The following NCKAP5 variants were observed in gnomAD, a reference collection of about 807,000 sequenced individuals.
The protein encoded by NCKAP5 is NCK associated protein 5.
NCKAP5 carries 92 observed loss-of-function variants against 167.0 expected under a neutral mutation model. The observed-to-expected ratio is 0.55, with a 90% CI of 0.47 to 0.66. The LOEUF (loss-of-function observed/expected upper bound fraction) is 0.66. Ranked by LOEUF, NCKAP5 falls within the 30% of genes least tolerant of loss-of-function variation. The probability of loss-of-function intolerance (pLI) is 0.00; values close to 1 mark genes in which losing one functional copy is unlikely to be tolerated. For synonymous variants in NCKAP5, 891 were observed against 877.4 expected, an observed-to-expected ratio of 1.02 and a Z score of -0.27; for missense variants, 2,378 against 2,315.0, an observed-to-expected ratio of 1.03 and a Z score of -0.56.
chr2:133,236,509 T>C (rs2087429353), intron 4 of NCKAP5, among the ~76,000 whole-genome samples: 1 of 152,190 alleles, frequency 6.6e-6, no homozygotes, highest in Non-Finnish European at 1.5e-5. Flanking sequence ...ACTGTTCTCT[T>C]AGGTGTCTGA....
At chr2:132,732,961 C>T (rs1225161215) in intron 16 of NCKAP5, among the ~76,000 whole-genome samples, 2 of 152,226 alleles carry the variant, frequency 1.3e-5, no homozygotes, top group Admixed American at 1.3e-4. Context: ...TTCACTCTCA[C>T]TTTATTCAAT....
chr2:133,014,618 A>G (rs2078270371), intron 6 of NCKAP5, among the ~76,000 whole-genome samples: 2 of 152,194 alleles, frequency 1.3e-5, no homozygotes, highest in Admixed American at 1.3e-4. Context: ...ACATTAGATC[A>G]AGTTCACTTA....
chr2:133,092,971 T>G (rs990398965), intron 6 of NCKAP5, among the ~76,000 whole-genome samples: 7 of 152,234 alleles, frequency 4.6e-5, no homozygotes, highest in Non-Finnish European at 8.8e-5. Context: ...GGTGGTTTTT[T>G]GTTTGCTTTT....
At chr2:132,792,675 C>T (rs1266560757) in intron 12 of NCKAP5, among the ~76,000 whole-genome samples, 1 of 152,332 alleles carries the variant, frequency 6.6e-6, no homozygotes, top group East Asian at 1.9e-4. Context: ...CAGATCCAAA[C>T]TCCAATGACC....
intron 6 of NCKAP5, among the ~76,000 whole-genome samples, chr2:133,017,221 A>G (rs769912626): frequency 4.6e-5 from 7 of 152,146 alleles, no homozygotes; most frequent in African/African-American, 1.2e-4. Context: ...TGTTCTTCCT[A>G]TGTTTTCTGA....
At chr2:132,744,106 C>A (rs576006559) in intron 16 of NCKAP5, among the ~76,000 whole-genome samples, 1 of 151,634 alleles carries the variant, frequency 6.6e-6, no homozygotes, top group East Asian at 1.9e-4. Context: ...AAAGTCTTCT[C>A]TCAGTAATTA....
At chr2:133,154,800 A>C (rs1360647639) in intron 5 of NCKAP5, among the ~76,000 whole-genome samples, 6 of 152,188 alleles carry the variant, frequency 3.9e-5, no homozygotes, top group Non-Finnish European at 8.8e-5. Context: ...GGAGTGGTCT[A>C]TTTGAGAAAT....
intron 3 of NCKAP5, among the ~76,000 whole-genome samples, chr2:133,331,820 C>T (rs929628093): frequency 2.6e-5 from 4 of 152,222 alleles, no homozygotes; most frequent in South Asian, 2.1e-4. Flanking sequence ...CACAAAGTGA[C>T]AAATAATGAC....
At chr2:133,320,636 G>C (rs1449305156) in intron 3 of NCKAP5, among the ~76,000 whole-genome samples, 1 of 152,146 alleles carries the variant, frequency 6.6e-6, no homozygotes. Flanking sequence ...GCTGAGGCAG[G>C]GGAATGGTGT....
At chr2:133,231,002 TG>T (rs1559295880) in intron 4 of NCKAP5, among the ~76,000 whole-genome samples, 1 of 152,184 alleles carries the variant, frequency 6.6e-6, no homozygotes, top group Non-Finnish European at 1.5e-5. Context: ...CCAAATATGT[TG>T]TAATGAGCAG....
At chr2:133,187,186 G>A (rs998141599) in intron 5 of NCKAP5, among the ~76,000 whole-genome samples, 12 of 151,834 alleles carry the variant, frequency 7.9e-5, no homozygotes, top group Admixed American at 7.9e-4. Context: ...AAAGTTTTTT[G>A]TTTCTGCTTT....
At chr2:133,110,423 G>A (rs574472219) in intron 6 of NCKAP5, among the ~76,000 whole-genome samples, 8 of 152,130 alleles carry the variant, frequency 5.3e-5, no homozygotes, top group Non-Finnish European at 1.2e-4. Context: ...CGAGGTTCAC[G>A]GTATCACAGA....
intron 8 of NCKAP5, among the ~76,000 whole-genome samples, chr2:132,879,732 G>T (rs1047652428): frequency 1.3e-5 from 2 of 152,170 alleles, no homozygotes; most frequent in Non-Finnish European, 2.9e-5. Context: ...AGCAATCTTG[G>T]CTCTACGTGC....
chr2:133,160,992 C>T lies in NCKAP5; in HGVS notation c.208-30881G>A, dbSNP rs537783812. On this transcript the variant is annotated intron_variant, in intron 5 of 19. Transcript: ENST00000409261. The stretch of plus-strand genomic sequence containing the variant: ...CTGTGGCCTGTTAGGAATGGGGCCA[C>T]ACAGCAGGAGATGTGCAGCCAGCCA... Among the ~76,000 whole-genome samples, 16 of 152,226 alleles carry T rather than the reference C, an allele frequency of 1.1e-4. No homozygotes were observed. The East Asian group carries it at 3.1e-3, about 29-fold the overall frequency.
intron 5 of NCKAP5, among the ~76,000 whole-genome samples, chr2:133,190,875 A>T (rs886679539): frequency 2.6e-5 from 4 of 152,162 alleles, no homozygotes; most frequent in Admixed American, 6.6e-5. Context: ...GGACTTCATG[A>T]CTAAAAAACC....
chr2:133,218,737 T>A (rs889438441), intron 4 of NCKAP5, among the ~76,000 whole-genome samples: 1 of 152,160 alleles, frequency 6.6e-6, no homozygotes, highest in Non-Finnish European at 1.5e-5. Flanking sequence ...CAAAAGCCAA[T>A]CTTATCCCCA....
chr2:132,783,935 CTGGTTTCGGACT>C lies in NCKAP5; in HGVS notation c.2864_2875del (p.Lys955_Thr958del). The C allele has an allele frequency of 6.3e-7, 1 of 1,577,098 alleles. No homozygotes were observed. Among genetic ancestry groups the C allele is most frequent in the Admixed American group, 1.9e-5 (1 of 52,214 alleles). ...GGTCCTTGCTGTTTCACTGGGGACC[CTGGTTTCGGACT>C]TGGTGGATGAAGGTGCTGGTGAATA... On this transcript the variant is annotated inframe_deletion, in exon 14 of 20. Transcript: ENST00000409261.
At chr2:133,149,113 A>G (rs2083297440) in intron 5 of NCKAP5, among the ~76,000 whole-genome samples, 1 of 152,156 alleles carries the variant, frequency 6.6e-6, no homozygotes. Context: ...ACTCTTCATA[A>G]CAAGGCTTTA....
In NCKAP5 at chr2:133,485,485, G is replaced by C. The variant is rs147045874; in HGVS notation, c.69+31973C>G. On this transcript the variant is annotated intron_variant, in intron 3 of 19. Transcript: ENST00000409261. ...GCTGGCAGAACTATATATCTTCCAA[G>C]AAAACTAATAGGGTCTCCAAACTTT... Among the ~76,000 whole-genome samples the C allele has an allele frequency of 5.6e-3, 849 of 152,242 alleles. 11 individuals are homozygous for C. The highest frequency in any genetic ancestry group is 0.019 in the African/African-American group (777 of 41,546).
Sources: allele counts gnomAD v4.1 joint callset (sites outside exome capture counted in the v4.1 genomes callset), GRCh38; gene constraint gnomAD v4.1.1; transcripts MANE v1.5; gene names NCBI Gene and HGNC (gene_info 2026-07-23, HGNC 2026-07-21).